The following UGT2B7 variants were observed in gnomAD, a reference collection of about 807,000 sequenced individuals.
UGT2B7 encodes UDP-glucuronosyltransferase 2B7.
UGT2B7 carries 51 observed loss-of-function variants against 51.9 expected under a neutral mutation model. That is an observed-to-expected ratio of 0.98 (90% CI 0.78 to 1.24). UGT2B7 has a LOEUF of 1.24. Among genes scored for constraint, UGT2B7 ranks in the 50% most tolerant of loss-of-function variants. UGT2B7 has a pLI of 0.00. For missense variants in UGT2B7, 727 were observed against 628.4 expected (o/e 1.16, Z -1.68); for synonymous variants, 225 against 211.6 (o/e 1.06, Z -0.55).
intron 1 of UGT2B7, among the ~76,000 whole-genome samples, chr4:69,079,294 G>A (rs946910074): frequency 1.3e-5 from 2 of 152,158 alleles, no homozygotes; most frequent in Non-Finnish European, 2.9e-5. Flanking sequence ...AGCAATACAA[G>A]TTGATTCTTA....
intron 4 of UGT2B7, 49 bp downstream of exon 4, chr4:69,107,311 G>C (rs1719631733): frequency 6.5e-7 from 1 of 1,534,636 alleles, no homozygotes; most frequent in Non-Finnish European, 8.9e-7. Context: ...CAGCACATTA[G>C]AGTGTTAATA....
chr4:69,071,990 A>G (rs1240046809), intron 1 of UGT2B7, among the ~76,000 whole-genome samples: 1 of 152,082 alleles, frequency 6.6e-6, no homozygotes, highest in East Asian at 1.9e-4. Flanking sequence ...TCTTCTTTGC[A>G]ATTCATAGAC....
intron 1 of UGT2B7, among the ~76,000 whole-genome samples, chr4:69,066,042 C>T (rs975947158): frequency 2.0e-5 from 3 of 152,136 alleles, no homozygotes; most frequent in Non-Finnish European, 4.4e-5. Context: ...TAATAGTTCT[C>T]ATTACTTAAC....
intron 1 of UGT2B7, among the ~76,000 whole-genome samples, chr4:69,075,707 C>T (rs1456294144): frequency 1.3e-5 from 2 of 152,114 alleles, no homozygotes; most frequent in Admixed American, 6.6e-5. Context: ...AAAACGCTTG[C>T]TGTTTTTCAA....
In UGT2B7 at chr4:69,112,604, C is replaced by T. The variant is rs1560513882; in HGVS notation, c.1458C>T (p.Phe486=). 6.2e-7 allele frequency: 1 copy of T among 1,613,940 alleles called. No homozygotes were observed. Among genetic ancestry groups the T allele is most frequent in the South Asian group, 1.1e-5 (1 of 91,076 alleles). The change falls in exon 6 of 6, where the codon TTC becomes TTT. Residue 486 remains phenylalanine, a synonymous_variant. Transcript: ENST00000305231. ...LRVAAHDLTW[F]QYHSLDVIGF... The stretch of plus-strand genomic sequence containing the variant: ...TTGCAGCCCACGACCTCACCTGGTT[C>T]CAGTACCACTCTTTGGATGTGATTG...
Position 69,082,168 on chromosome 4 carries a change from T to C in UGT2B7, c.-158-7304T>C, listed in dbSNP as rs568774531. 3.5e-4 allele frequency among the ~76,000 whole-genome samples: 54 copies of C among 152,126 alleles called. 1 individual carries two copies. The highest frequency in any genetic ancestry group is 1.2e-3 in the African/African-American group (51 of 41,532). On this transcript the variant is annotated intron_variant, in intron 1 of 5. Coordinates refer to the UGT2B7 transcript ENST00000502942. ...GTCTCCTGAGTGCCCTACATACCAG[T>C]TGTTTCCTAGTCTCTCTCCCACACC...
chr4:69,056,904 C>A (rs1176612942), intron 1 of UGT2B7, among the ~76,000 whole-genome samples: 1 of 152,154 alleles, frequency 6.6e-6, no homozygotes, highest in Non-Finnish European at 1.5e-5. Context: ...ATTGTTTTAT[C>A]CTCAGTACCT....
chr4:69,056,826 C>T (rs4343788), intron 1 of UGT2B7, among the ~76,000 whole-genome samples: 21,854 of 151,932 alleles, frequency 0.14, 1,843 homozygotes, highest in Admixed American at 0.25. Flanking sequence ...AGAACTCCCG[C>T]TAATAAAAAG....
intron 1 of UGT2B7, among the ~76,000 whole-genome samples, chr4:69,087,790 T>G (rs6600875): frequency 0.58 from 87,231 of 150,474 alleles, 26,076 homozygotes; most frequent in African/African-American, 0.71. Flanking sequence ...ATTTATTTTA[T>G]TTTTTTTTGA....
intron 2 of UGT2B7, among the ~76,000 whole-genome samples, chr4:69,090,804 A>G (rs1216776329): frequency 6.6e-6 from 1 of 152,226 alleles, no homozygotes; most frequent in Non-Finnish European, 1.5e-5. Flanking sequence ...ACATGCCAAT[A>G]TTAGTCGACA....
chr4:69,071,787 C>T (rs746662062), intron 1 of UGT2B7, among the ~76,000 whole-genome samples: 2 of 151,744 alleles, frequency 1.3e-5, no homozygotes, highest in South Asian at 2.1e-4. Flanking sequence ...TAGCCAAGTA[C>T]AAGAAAAAAA....
At chr4:69,094,178 C>G (rs1458353176), upstream of UGT2B7, among the ~76,000 whole-genome samples, 2 of 72,138 alleles carry the variant, frequency 2.8e-5, 1 homozygote, top group Admixed American at 4.7e-4. Flanking sequence ...CTCGCTCTGT[C>G]GCCCAGGCTG....
intron 5 of UGT2B7, among the ~76,000 whole-genome samples, chr4:69,110,071 T>G (rs1378119624): frequency 1.3e-5 from 2 of 152,052 alleles, no homozygotes; most frequent in Non-Finnish European, 2.9e-5. Context: ...GAGCAAGTAA[T>G]TAGTAAAGAC....
At chr4:69,062,536 T>C (rs1248358687) in intron 1 of UGT2B7, among the ~76,000 whole-genome samples, 1 of 152,166 alleles carries the variant, frequency 6.6e-6, no homozygotes, top group Non-Finnish European at 1.5e-5. Flanking sequence ...CCACTCCCAC[T>C]GTTGTTAAAA....
intron 1 of UGT2B7, among the ~76,000 whole-genome samples, chr4:69,062,839 T>C (rs1323771725): frequency 1.3e-5 from 2 of 152,124 alleles, no homozygotes; most frequent in African/African-American, 2.4e-5. Context: ...TGGCCAGAAA[T>C]CTTAGGCCCA....
chr4:69,093,913 C>T (rs1215106616), upstream of UGT2B7, among the ~76,000 whole-genome samples: 1 of 152,164 alleles, frequency 6.6e-6, no homozygotes, highest in African/African-American at 2.4e-5. Flanking sequence ...TATTTACTCA[C>T]CCCTTCTGTT....
chr4:69,107,685 G>A (rs758427351), intron 4 of UGT2B7, among the ~76,000 whole-genome samples: 6 of 152,100 alleles, frequency 3.9e-5, no homozygotes, highest in Non-Finnish European at 5.9e-5. Context: ...ATACAGTGAT[G>A]ATACATTTCA....
chr4:69,078,879 C>T (rs1718774590), intron 1 of UGT2B7, among the ~76,000 whole-genome samples: 2 of 152,104 alleles, frequency 1.3e-5, no homozygotes, highest in Admixed American at 1.3e-4. Context: ...TGACAAGTGG[C>T]AGTGGTGGGT....
At chr4:69,109,853 G>T (rs1336419713) in intron 5 of UGT2B7, among the ~76,000 whole-genome samples, 1 of 151,610 alleles carries the variant, frequency 6.6e-6, no homozygotes, top group Non-Finnish European at 1.5e-5. Flanking sequence ...TATAAGCAGG[G>T]TATCATCTAA....
Sources: gnomAD v4.1 joint callset for allele counts (sites outside exome capture counted in the v4.1 genomes callset) on GRCh38, gnomAD v4.1.1 for gene constraint, MANE v1.5 for transcripts, NCBI Gene and HGNC (gene_info 2026-07-23, HGNC 2026-07-21) for gene names.